The following MICOS10 variants were observed in gnomAD, a reference collection of about 807,000 sequenced individuals.
MICOS10 encodes the protein MICOS complex subunit MIC10.
MICOS10 carries 5 observed loss-of-function variants against 13.4 expected under a neutral mutation model. The observed-to-expected ratio is 0.37, with a 90% CI of 0.20 to 0.78. The LOEUF is 0.78. Ranked by LOEUF, MICOS10 falls within the 30% of genes least tolerant of loss-of-function variation. The pLI, the probability that MICOS10 is intolerant of heterozygous loss-of-function variation, is 0.47. For missense variants in MICOS10, 101 were observed against 94.6 expected, an observed-to-expected ratio of 1.07 and a Z score of -0.28; for synonymous variants, 35 against 33.6, an observed-to-expected ratio of 1.04 and a Z score of -0.15.
chr1:19,608,116 G>A, intron 1 of MICOS10: 1 of 1,069,594 alleles, frequency 9.3e-7, no homozygotes, highest in Non-Finnish European at 1.5e-6. Context: ...GTGCAGAAAT[G>A]GCACCTGGAA....
chr1:19,610,292 T>C (rs1314579979), intron 1 of MICOS10, among the ~76,000 whole-genome samples: 3 of 149,554 alleles, frequency 2.0e-5, no homozygotes, highest in Middle Eastern at 3.3e-3. Context: ...AGAAAAAATG[T>C]TGGAGGCTCT....
chr1:19,612,149 TCTC>T (rs1418584373), intron 1 of MICOS10, among the ~76,000 whole-genome samples: 1 of 150,210 alleles, frequency 6.7e-6, no homozygotes, highest in African/African-American at 2.4e-5. Context: ...TTCACGCCAT[TCTC>T]CTGCCTCAGC....
chr1:19,615,737 C>T (rs143637738), intron 1 of MICOS10, among the ~76,000 whole-genome samples: 1 of 150,986 alleles, frequency 6.6e-6, no homozygotes, highest in East Asian at 2.0e-4. Flanking sequence ...GCATATGCCA[C>T]CACACCCTGC....
At chr1:19,612,275 C>T (rs922949175) in intron 1 of MICOS10, among the ~76,000 whole-genome samples, 1 of 150,966 alleles carries the variant, frequency 6.6e-6, no homozygotes, top group African/African-American at 2.4e-5. Flanking sequence ...CCAGGATGGT[C>T]TCCATCTCCT....
intron 1 of MICOS10, among the ~76,000 whole-genome samples, chr1:19,621,355 G>A (rs548862665): frequency 2.0e-5 from 3 of 152,254 alleles, no homozygotes; most frequent in Admixed American, 6.5e-5. Flanking sequence ...AGCTGTATGG[G>A]GAGCACAGTC....
intron 1 of MICOS10, among the ~76,000 whole-genome samples, chr1:19,600,277 A>T (rs1252213029): frequency 3.3e-5 from 5 of 152,156 alleles, no homozygotes; most frequent in African/African-American, 1.2e-4. Flanking sequence ...CATCTGTGAA[A>T]TAAGGGAGTT....
At chr1:19,612,967 C>A (rs1288121966) in intron 1 of MICOS10, among the ~76,000 whole-genome samples, 1 of 152,194 alleles carries the variant, frequency 6.6e-6, no homozygotes, top group Non-Finnish European at 1.5e-5. Context: ...GATCCCTGAC[C>A]TATGAATTGT....
At chr1:19,622,857 G>A (rs769471895) in intron 2 of MICOS10, among the ~76,000 whole-genome samples, 1 of 151,680 alleles carries the variant, frequency 6.6e-6, no homozygotes, top group Non-Finnish European at 1.5e-5. Flanking sequence ...GTTAAACTGA[G>A]CAGATGATTA....
At chr1:19,610,727 G>A (rs2094857490) in intron 1 of MICOS10, among the ~76,000 whole-genome samples, 2 of 152,034 alleles carry the variant, frequency 1.3e-5, no homozygotes, top group African/African-American at 4.8e-5. Flanking sequence ...TTTGATAAAT[G>A]TTTACAAGTT....
chr1:19,620,130 C>A (rs1017076722), intron 1 of MICOS10, among the ~76,000 whole-genome samples: 9 of 152,182 alleles, frequency 5.9e-5, no homozygotes, highest in Non-Finnish European at 1.2e-4. Flanking sequence ...GCTTGTCATG[C>A]AACAGCAACA....
chr1:19,614,752 A>ATTTCT (rs757189448), intron 1 of MICOS10, among the ~76,000 whole-genome samples: 23 of 152,336 alleles, frequency 1.5e-4, no homozygotes, highest in Non-Finnish European at 2.8e-4. Flanking sequence ...CTTCTAAAAC[A>ATTTCT]TTCTTCAGGG....
At position 19,597,012 on chromosome 1, in the gene MICOS10, G is replaced by C. The variant is rs374640616; in HGVS notation, c.-34G>C. Reference sequence around the variant, plus strand: ...TTCAGGGGTCGGAGCGCGGGGGCCGGCCGAGAGGAAAGCTGGAGGCGCGGG... The same window carrying C: ...TTCAGGGGTCGGAGCGCGGGGGCCGCCCGAGAGGAAAGCTGGAGGCGCGGG... On this transcript the variant is annotated 5_prime_UTR_variant, in exon 1 of 4. Coordinates refer to ENST00000322753, the MANE Select transcript of MICOS10 (RefSeq NM_001032363.4). The C allele has an allele frequency of 7.0e-6, 11 of 1,570,990 alleles. No individual in the cohort carries two copies. The highest frequency in any genetic ancestry group is 8.6e-6 in the Non-Finnish European group (10 of 1,162,068).
intron 1 of MICOS10, among the ~76,000 whole-genome samples, chr1:19,620,294 G>C (rs1052221784): frequency 6.6e-6 from 1 of 152,212 alleles, no homozygotes; most frequent in Non-Finnish European, 1.5e-5. Context: ...GGTGTCCCCC[G>C]ATCAGGTGGG....
intron 1 of MICOS10, among the ~76,000 whole-genome samples, chr1:19,599,613 A>G (rs2094806272): frequency 6.6e-6 from 1 of 152,164 alleles, no homozygotes; most frequent in Non-Finnish European, 1.5e-5. Context: ...AGGGCCTTCA[A>G]CTGACCTTTG....
chr1:19,617,597 T>C, intron 1 of MICOS10, among the ~76,000 whole-genome samples: 1 of 152,220 alleles, frequency 6.6e-6, no homozygotes, highest in East Asian at 1.9e-4. Context: ...CCTGAGCATC[T>C]TTCATAAATC....
intron 1 of MICOS10, among the ~76,000 whole-genome samples, chr1:19,606,538 G>A (rs1454196614): frequency 6.6e-6 from 1 of 152,156 alleles, no homozygotes; most frequent in African/African-American, 2.4e-5. Context: ...CTGAGGTCAG[G>A]AGTTTGAGAC....
In MICOS10 at chr1:19,597,012, G is replaced by T; in HGVS notation, c.-34G>T. Reference sequence around the variant, plus strand: ...TTCAGGGGTCGGAGCGCGGGGGCCGGCCGAGAGGAAAGCTGGAGGCGCGGG... The same window carrying T: ...TTCAGGGGTCGGAGCGCGGGGGCCGTCCGAGAGGAAAGCTGGAGGCGCGGG... On this transcript the variant is annotated 5_prime_UTR_variant, in exon 1 of 4. Transcript: ENST00000322753. 6.4e-7 allele frequency: 1 copy of T among 1,570,990 alleles called. No individual in the cohort carries two copies. Among genetic ancestry groups the T allele is most frequent in the Non-Finnish European group, 8.6e-7 (1 of 1,162,068 alleles).
Position 19,628,680 on chromosome 1 carries a change from C to CAAAAA in MICOS10, c.*2296_*2300dup, listed in dbSNP as rs533840638. ...CCGGCGACAGAGCGAGAATCTGTCTCAAAAAAAAAAAAAAAAAAAAAGCAT... is the reference window on the plus strand; with the variant it reads ...CCGGCGACAGAGCGAGAATCTGTCTCAAAAAAAAAAAAAAAAAAAAAAAAAAGCAT... On this transcript the variant is annotated 3_prime_UTR_variant, in exon 4 of 4. Coordinates refer to ENST00000322753, the MANE Select transcript of MICOS10 (RefSeq NM_001032363.4). 7.9e-5 allele frequency: 5 copies of CAAAAA among 63,240 alleles called. No individual in the cohort carries two copies. The highest frequency in any genetic ancestry group is 2.7e-4 in the African/African-American group (5 of 18,592). The allele number at this position is 63,240 out of a possible 1,614,324, so 3.9% of individuals were successfully genotyped here. A position where few individuals can be genotyped will look rare whatever the true frequency, so the allele number is the denominator to read the frequency against.
intron 1 of MICOS10, among the ~76,000 whole-genome samples, chr1:19,605,905 A>G (rs1056078471): frequency 1.1e-4 from 16 of 152,078 alleles, no homozygotes; most frequent in African/African-American, 3.9e-4. Context: ...TATACCTAGG[A>G]GTGGAATTGC....
Sources: gnomAD v4.1 joint callset for allele counts (sites outside exome capture counted in the v4.1 genomes callset) on GRCh38, gnomAD v4.1.1 for gene constraint, MANE v1.5 for transcripts, NCBI Gene and HGNC (gene_info 2026-07-23, HGNC 2026-07-21) for gene names.